Variants in TSPAN18 observed in about 807,000 individuals in gnomAD.
The protein encoded by TSPAN18 is tetraspanin 18.
A neutral mutation model predicts 27.3 loss-of-function variants in TSPAN18; 14 were observed. The observed-to-expected ratio is 0.51, with a 90% CI of 0.34 to 0.80. The LOEUF (loss-of-function observed/expected upper bound fraction) is 0.80. TSPAN18 is among the 30% of genes least tolerant of loss of function. The probability of loss-of-function intolerance (pLI) is 0.01; values close to 1 mark genes in which losing one functional copy is unlikely to be tolerated. For missense variants in TSPAN18, 268 were observed against 323.9 expected (o/e 0.83, Z 1.32); for synonymous variants, 143 against 136.5 (o/e 1.05, Z -0.33).
At chr11:44,753,745 T>G (rs1309753901) in intron 1 of TSPAN18, among the ~76,000 whole-genome samples, 1 of 152,224 alleles carries the variant, frequency 6.6e-6, no homozygotes, top group African/African-American at 2.4e-5. Flanking sequence ...GAAGCCTGGC[T>G]TTCGTCAGTT....
intron 8 of TSPAN18, among the ~76,000 whole-genome samples, chr11:44,925,358 C>A (rs951763458): frequency 6.6e-6 from 1 of 152,218 alleles, no homozygotes; most frequent in African/African-American, 2.4e-5. Context: ...GTATCATGGA[C>A]CCAGATCGTC....
chr11:44,847,816 G>A (rs1233675120), intron 2 of TSPAN18, among the ~76,000 whole-genome samples: 1 of 151,936 alleles, frequency 6.6e-6, no homozygotes, highest in Non-Finnish European at 1.5e-5. Context: ...AGGATAGTGA[G>A]GGCTCAAAGT....
chr11:44,772,238 C>T (rs1855704850), intron 2 of TSPAN18, among the ~76,000 whole-genome samples: 1 of 152,162 alleles, frequency 6.6e-6, no homozygotes, highest in Non-Finnish European at 1.5e-5. Flanking sequence ...CCAAATTATC[C>T]ATCACTCTAG....
intron 2 of TSPAN18, among the ~76,000 whole-genome samples, chr11:44,847,563 T>C (rs1857510518): frequency 6.6e-6 from 1 of 152,236 alleles, no homozygotes; most frequent in South Asian, 2.1e-4. Context: ...ATGGGCCTTT[T>C]GGATACTATA....
Position 44,907,365 on chromosome 11 carries a change from A to T in TSPAN18, c.63+886A>T, listed in dbSNP as rs1040855455. ...GACCTGGGTGAATAAACCTCCACTC[A>T]TGTCCTTCAGGGCAGGCTCTTGAAA... On this transcript the variant is annotated intron_variant, in intron 4 of 9. Coordinates refer to ENST00000520358, the MANE Select transcript of TSPAN18 (RefSeq NM_130783.5). Among the ~76,000 whole-genome samples, 18 of 152,156 alleles carry T rather than the reference A, an allele frequency of 1.2e-4. 1 individual carries two copies. In the East Asian group the frequency reaches 3.3e-3, roughly 28 times the overall value.
intron 2 of TSPAN18, among the ~76,000 whole-genome samples, chr11:44,854,890 A>G (rs990416373): frequency 1.2e-4 from 18 of 152,332 alleles, no homozygotes; most frequent in African/African-American, 4.1e-4. Context: ...GTTTGTACTA[A>G]TTAGGAATCG....
intron 3 of TSPAN18, among the ~76,000 whole-genome samples, chr11:44,901,747 G>A (rs1859269985): frequency 6.6e-6 from 1 of 152,234 alleles, no homozygotes; most frequent in Admixed American, 6.5e-5. Context: ...TCTGCTCCTG[G>A]ATCAGGTAGA....
At position 44,776,068 on chromosome 11, in the gene TSPAN18, G is replaced by A. The variant is rs145695860; in HGVS notation, c.-153+11556G>A. Among the ~76,000 whole-genome samples the A allele has an allele frequency of 1.4e-3, 211 of 152,324 alleles. 3 individuals are homozygous for A. The South Asian group carries it at 0.017, about 12-fold the overall frequency. The stretch of plus-strand genomic sequence containing the variant: ...CTGCTGGCAGAGGATCCTGTGGGGC[G>A]TCTGGGCACACTGTTGTAAATGTCA... On this transcript the variant is annotated intron_variant, in intron 2 of 9. Transcript: ENST00000520358.
chr11:44,792,200 A>G (rs1051463539), intron 2 of TSPAN18, among the ~76,000 whole-genome samples: 2 of 152,220 alleles, frequency 1.3e-5, no homozygotes, highest in African/African-American at 4.8e-5. Flanking sequence ...GTCCTGAGAA[A>G]TTCAGTGAGT....
chr11:44,829,798 C>T (rs1296808635), intron 2 of TSPAN18, among the ~76,000 whole-genome samples: 1 of 152,138 alleles, frequency 6.6e-6, no homozygotes, highest in Non-Finnish European at 1.5e-5. Flanking sequence ...TGCACTCCCC[C>T]CAGCAATGAA....
intron 2 of TSPAN18, among the ~76,000 whole-genome samples, chr11:44,811,892 T>C (rs147886437): frequency 4.1e-4 from 62 of 152,342 alleles, no homozygotes; most frequent in African/African-American, 1.4e-3. Flanking sequence ...ATGGCTGCTA[T>C]TGGTAAAATT....
chr11:44,770,914 T>C (rs1855676106), intron 2 of TSPAN18, among the ~76,000 whole-genome samples: 1 of 152,142 alleles, frequency 6.6e-6, no homozygotes, highest in South Asian at 2.1e-4. Context: ...GGGTGGGTTC[T>C]GGCAGAGAGT....
chr11:44,791,529 C>T (rs575247366), intron 2 of TSPAN18, among the ~76,000 whole-genome samples: 6 of 152,234 alleles, frequency 3.9e-5, no homozygotes, highest in Admixed American at 1.3e-4. Context: ...GAATAATGAC[C>T]GCCCTGATGC....
intron 3 of TSPAN18, among the ~76,000 whole-genome samples, chr11:44,894,466 G>C (rs1858967917): frequency 6.6e-6 from 1 of 152,202 alleles, no homozygotes; most frequent in South Asian, 2.1e-4. Flanking sequence ...AAGCATGCCT[G>C]GGGGCGGGGG....
At chr11:44,880,699 C>T (rs374762190) in intron 3 of TSPAN18, among the ~76,000 whole-genome samples, 10 of 152,212 alleles carry the variant, frequency 6.6e-5, no homozygotes, top group East Asian at 1.9e-4. Context: ...GTCCTCAGAG[C>T]GATCATCTGT....
At chr11:44,736,879 C>T (rs946988794) in intron 1 of TSPAN18, among the ~76,000 whole-genome samples, 1 of 152,204 alleles carries the variant, frequency 6.6e-6, no homozygotes, top group South Asian at 2.1e-4. Flanking sequence ...AAATGTATCT[C>T]TTGGGATGGA....
chr11:44,731,637 A>T (rs538184213), intron 1 of TSPAN18, among the ~76,000 whole-genome samples: 45 of 83,068 alleles, frequency 5.4e-4, no homozygotes, highest in Non-Finnish European at 1.2e-3. Flanking sequence ...TGTGTGTGAG[A>T]GAGAGAGAGA....
At chr11:44,863,540 G>A (rs1392163719) in intron 3 of TSPAN18, among the ~76,000 whole-genome samples, 1 of 152,198 alleles carries the variant, frequency 6.6e-6, no homozygotes, top group Non-Finnish European at 1.5e-5. Context: ...TCTCATTCCT[G>A]AGATACTTTA....
intron 2 of TSPAN18, among the ~76,000 whole-genome samples, chr11:44,772,895 G>A (rs951858923): frequency 6.6e-6 from 1 of 151,930 alleles, no homozygotes; most frequent in African/African-American, 2.4e-5. Flanking sequence ...TGACCTAGGC[G>A]ATCCACCTGC....
Sources: gnomAD v4.1 joint callset for allele counts (sites outside exome capture counted in the v4.1 genomes callset) on GRCh38, gnomAD v4.1.1 for gene constraint, MANE v1.5 for transcripts, NCBI Gene and HGNC (gene_info 2026-07-23, HGNC 2026-07-21) for gene names.